The following SETX variants were observed in gnomAD, a reference collection of about 807,000 sequenced individuals.
SETX encodes the protein senataxin.
A neutral mutation model predicts 227.2 loss-of-function variants in SETX; 90 were observed. The ratio of observed to expected loss-of-function variants is 0.40; its 90% confidence interval spans 0.33 to 0.47. The LOEUF is 0.47. SETX is among the 20% of genes least tolerant of loss of function. The pLI, the probability that SETX is intolerant of heterozygous loss-of-function variation, is 0.91. For synonymous variants in SETX, 1,210 were observed against 1,113.2 expected (o/e 1.09, Z -1.73); for missense variants, 3,052 against 3,181.5 (o/e 0.96, Z 0.98).
chr9:132,331,275 A>C lies in SETX; in HGVS notation c.1010+2T>G. 1 of 1,614,002 alleles carries C rather than the reference A, an allele frequency of 6.2e-7. No individual in the cohort carries two copies. Among genetic ancestry groups the C allele is most frequent in the Non-Finnish European group, 8.5e-7 (1 of 1,179,956 alleles). On this transcript the variant is annotated splice_donor_variant, in intron 8 of 25. Coordinates refer to ENST00000224140, the MANE Select transcript of SETX (RefSeq NM_015046.7). LOFTEE classifies it high-confidence loss of function. ...TTAAATCCTGACATTAGCTGAACTA[A>C]CCTTACAGAGCTGTTCCGTATATGT... is the stretch of plus-strand genomic sequence containing the variant.
Position 132,326,408 on chromosome 9 carries a change from T to A in SETX, c.5190A>T (p.Ser1730=). The A allele has an allele frequency of 6.2e-7, 1 of 1,613,730 alleles. No homozygotes were observed. Among genetic ancestry groups the A allele is most frequent in the Non-Finnish European group, 8.5e-7 (1 of 1,179,592 alleles). ...TGTGAAATCTGACAGGCACAGGTCT[T>A]GAGATGGACTGACAAAGACTTGCAG... The part of the protein sequence containing the change: ...GPPASLCQSI[S]RPVPVRFHNY... Residue 1730 remains serine, a synonymous_variant, in exon 10 of 26, where the codon TCA becomes TCT. Coordinates refer to ENST00000224140, the MANE Select transcript of SETX (RefSeq NM_015046.7).
intron 10 of SETX, among the ~76,000 whole-genome samples, chr9:132,317,155 C>T (rs576078272): frequency 1.3e-5 from 2 of 152,330 alleles, no homozygotes; most frequent in African/African-American, 4.8e-5. Context: ...GTGTCTCATG[C>T]ATTCATCATT....
At chr9:132,308,641 G>A (rs1845470589) in intron 11 of SETX, among the ~76,000 whole-genome samples, 2 of 152,084 alleles carry the variant, frequency 1.3e-5, no homozygotes, top group South Asian at 4.1e-4. Flanking sequence ...CACTAACATA[G>A]TCACTAACTG....
At position 132,329,195 on chromosome 9, in the gene SETX, C is replaced by G; in HGVS notation, c.2403G>C (p.Lys801Asn). The G allele has an allele frequency of 6.2e-7, 1 of 1,613,638 alleles. No individual in the cohort carries two copies. The highest frequency in any genetic ancestry group is 8.5e-7 in the Non-Finnish European group (1 of 1,179,914). ...LSHVIKKQHR[K>N]STLVDNTINL... is the part of the protein sequence containing the mutation. ...TGATAGTATTATCGACCAAAGTACT[C>G]TTCCTGTGTTGCTTCTTTATTACAT... Residue 801 changes from lysine (K) to asparagine (N), a missense_variant, in exon 10 of 26, where the codon AAG becomes AAC. Coordinates refer to ENST00000224140, the MANE Select transcript of SETX (RefSeq NM_015046.7).
chr9:132,269,029 C>A (rs1420670206), intron 25 of SETX, among the ~76,000 whole-genome samples: 2 of 152,226 alleles, frequency 1.3e-5, no homozygotes, highest in South Asian at 2.1e-4. Context: ...AAAGTTATTA[C>A]CCCTAATAAG....
intron 7 of SETX, among the ~76,000 whole-genome samples, chr9:132,333,398 GAAA>G (rs1204669172): frequency 9.0e-5 from 3 of 33,226 alleles, no homozygotes; most frequent in African/African-American, 4.3e-4. Context: ...AAAAAAAAAA[GAAA>G]AAAAAAAATA....
chr9:132,268,667 C>G (rs916518259), intron 25 of SETX, among the ~76,000 whole-genome samples: 3 of 152,156 alleles, frequency 2.0e-5, no homozygotes, highest in Non-Finnish European at 4.4e-5. Context: ...TTCTATTCCA[C>G]TGGATATATT....
chr9:132,287,528 G>T (rs183729757), intron 17 of SETX, among the ~76,000 whole-genome samples: 1 of 151,992 alleles, frequency 6.6e-6, no homozygotes, highest in East Asian at 1.9e-4. Flanking sequence ...ATCTATTTTC[G>T]TAAATAAAGT....
chr9:132,283,103 A>G, intron 19 of SETX, 161 bp downstream of exon 19: 2 of 871,360 alleles, frequency 2.3e-6, no homozygotes, highest in South Asian at 3.1e-5. Context: ...GAGGGTCATT[A>G]AGGAGTATAT....
At position 132,329,115 on chromosome 9, in the gene SETX, T is replaced by G; in HGVS notation, c.2483A>C (p.Asp828Ala). ...ACCATCTCCTTTCTGAACTCCTGTA[T>G]CTTTCCTTGAATAGAAACTCTCAAT... ...SNIESFYSRK[D>A]TGVQKGDGFI... The change falls in exon 10 of 26, where the codon GAT becomes GCT. Residue 828 changes from aspartate to alanine, a missense_variant. Physicochemically the swap from Asp to Ala is moderately radical, Grantham distance 126. Transcript: ENST00000224140. 1 of 1,610,264 alleles carries G rather than the reference T, an allele frequency of 6.2e-7. No homozygotes were observed. Among genetic ancestry groups the G allele is most frequent in the Non-Finnish European group, 8.5e-7 (1 of 1,179,450 alleles).
intron 25 of SETX, among the ~76,000 whole-genome samples, chr9:132,268,436 G>GGCTGCAGTGAGCTGTGATTGTGCC (rs1479720250): frequency 2.6e-5 from 4 of 152,222 alleles, no homozygotes; most frequent in Admixed American, 1.3e-4. Flanking sequence ...AGGAGGCGGA[G>GGCTGCAGTGAGCTGTGATTGTGCC]GCTGCAGTGA....
Position 132,329,870 on chromosome 9 carries a change from C to A in SETX, c.1728G>T (p.Leu576Phe). 6.2e-7 allele frequency: 1 copy of A among 1,614,098 alleles called. No homozygotes were observed. Among genetic ancestry groups the A allele is most frequent in the South Asian group, 1.1e-5 (1 of 91,078 alleles). ...GTAGCTCATGGGTTTCCTGACTAGT[C>A]AACTGCCAACCTAGAGATAAATTTC... ...LRGNLSLGWQLTSQETHELQS... is the reference protein window; with the variant it reads ...LRGNLSLGWQFTSQETHELQS... Residue 576 changes from leucine (L) to phenylalanine (F), a missense_variant, in exon 10 of 26, where the codon TTG becomes TTT. Around this residue, in one of 10 missense-constraint regions of SETX, gnomAD observed 179 missense variants for 197.1 expected, o/e 0.91. Transcript: ENST00000224140.
At chr9:132,314,141 G>T (rs1422055433) in intron 10 of SETX, among the ~76,000 whole-genome samples, 1 of 152,070 alleles carries the variant, frequency 6.6e-6, no homozygotes, top group African/African-American at 2.4e-5. Flanking sequence ...TGCCCAGGCG[G>T]GAGTGCAATG....
At chr9:132,313,722 C>T (rs1845802386) in intron 10 of SETX, among the ~76,000 whole-genome samples, 1 of 151,884 alleles carries the variant, frequency 6.6e-6, no homozygotes, top group African/African-American at 2.4e-5. Flanking sequence ...TGTTTGTGGT[C>T]CATCAGAGCA....
intron 15 of SETX, among the ~76,000 whole-genome samples, chr9:132,295,382 CA>C (rs1312293464): frequency 1.3e-5 from 2 of 152,210 alleles, no homozygotes; most frequent in South Asian, 4.1e-4. Flanking sequence ...TGTGCTTACT[CA>C]AAGCCTCATC....
Position 132,264,997 on chromosome 9 carries a change from G to T in SETX, c.7288-12C>A. On this transcript the variant is annotated splice_polypyrimidine_tract_variant and intron_variant, in intron 25 of 25. Transcript: ENST00000224140. ...CAATGCTGGTTTTCCTTGAAACAAT[G>T]AGAAGGGAGAAATAATTACACCCCA... 6.2e-7 allele frequency: 1 copy of T among 1,611,812 alleles called. No individual in the cohort carries two copies. The highest frequency in any genetic ancestry group is 1.1e-5 in the South Asian group (1 of 90,972).
chr9:132,280,170 T>A (rs182715648), intron 20 of SETX, among the ~76,000 whole-genome samples: 3 of 152,352 alleles, frequency 2.0e-5, no homozygotes, highest in African/African-American at 7.2e-5. Flanking sequence ...ACTTTCACTG[T>A]AATTACCACT....
intron 5 of SETX, among the ~76,000 whole-genome samples, chr9:132,340,261 G>T (rs1161275612): frequency 6.6e-6 from 1 of 151,740 alleles, no homozygotes; most frequent in Non-Finnish European, 1.5e-5. Flanking sequence ...TAGGTTTGTT[G>T]GTTCTCACGT....
intron 5 of SETX, among the ~76,000 whole-genome samples, chr9:132,341,904 GTT>G (rs898239624): frequency 6.6e-6 from 1 of 152,036 alleles, no homozygotes; most frequent in African/African-American, 2.4e-5. Context: ...ACAGAAATAA[GTT>G]TTCCTTTGGA....
Sources: gnomAD v4.1 joint callset for allele counts (sites outside exome capture counted in the v4.1 genomes callset) on GRCh38, gnomAD v4.1.1 for gene constraint, gnomAD v4.1.1 regional missense constraint, MANE v1.5 for transcripts, NCBI Gene and HGNC (gene_info 2026-07-23, HGNC 2026-07-21) for gene names.